The following RTN3 variants were observed in gnomAD, a reference collection of about 807,000 sequenced individuals.
The protein encoded by RTN3 is reticulon 3, also known as reticulon-3.
A neutral mutation model predicts 77.8 loss-of-function variants in RTN3; 49 were observed. The observed-to-expected ratio is 0.63, with a 90% confidence interval of 0.50 to 0.80. The LOEUF is 0.80. Ranked by LOEUF, RTN3 falls within the 30% of genes least tolerant of loss-of-function variation. RTN3 has a pLI of 0.00. For missense variants in RTN3, 1,236 were observed against 1,211.9 expected (o/e 1.02, Z -0.29); for synonymous variants, 464 against 446.9 (o/e 1.04, Z -0.48).
rs2014575236 is a variant in RTN3 at position 63,759,778 on chromosome 11, A to G, written c.*1577A>G. 1.3e-5 allele frequency: 2 copies of G among 151,336 alleles called. No individual in the cohort carries two copies. The highest frequency in any genetic ancestry group is 4.9e-5 in the African/African-American group (2 of 41,028). The allele number at this position is 151,336 out of a possible 1,614,324, so 9.4% of individuals were successfully genotyped here. A position where few individuals can be genotyped will look rare whatever the true frequency, so the allele number is the denominator to read the frequency against. ...AAAAATTACTAATGAAACTGTGTGT[A>G]CGTGTCTGTGCGTGCAACATAAAAA... is the stretch of plus-strand genomic sequence containing the variant. On this transcript the variant is annotated 3_prime_UTR_variant, in exon 9 of 9. Transcript: ENST00000377819.
intron 1 of RTN3, among the ~76,000 whole-genome samples, chr11:63,700,282 C>CTTTTTTTTTTTTTTTTT (rs753369954): frequency 7.5e-6 from 1 of 133,434 alleles, no homozygotes; most frequent in African/African-American, 2.9e-5. Flanking sequence ...GATTCTTTTA[C>CTTTTTTTTTTTTTTTTT]TTTTTTTTTT....
chr11:63,753,639 T>C, intron 6 of RTN3, 23 bp from the exon 7 acceptor site: 1 of 1,609,732 alleles, frequency 6.2e-7, no homozygotes, highest in South Asian at 1.1e-5. Context: ...ACACTTGCCA[T>C]GTCCCATGAT....
At chr11:63,726,183 T>C (rs1034747730) in intron 3 of RTN3, among the ~76,000 whole-genome samples, 12 of 152,194 alleles carry the variant, frequency 7.9e-5, no homozygotes, top group Non-Finnish European at 1.3e-4. Context: ...TGCATATAAC[T>C]GGACAAAATT....
At chr11:63,752,077 A>G (rs1409698662) in intron 4 of RTN3, among the ~76,000 whole-genome samples, 1 of 152,114 alleles carries the variant, frequency 6.6e-6, no homozygotes, top group Non-Finnish European at 1.5e-5. Context: ...TGGTTTTCCA[A>G]AATGTTTTTT....
intron 2 of RTN3, among the ~76,000 whole-genome samples, chr11:63,712,076 T>C (rs1251559086): frequency 6.6e-6 from 1 of 152,228 alleles, no homozygotes; most frequent in Non-Finnish European, 1.5e-5. Flanking sequence ...TACCAACGTA[T>C]TCAGACGTTG....
At chr11:63,748,739 C>G (rs1240315892) in intron 3 of RTN3, among the ~76,000 whole-genome samples, 1 of 148,874 alleles carries the variant, frequency 6.7e-6, no homozygotes, top group Non-Finnish European at 1.5e-5. Flanking sequence ...GCGATCTCGG[C>G]TCACTGCAGC....
At chr11:63,734,760 CACACACACACACACACACACA>C (rs1565333323) in intron 3 of RTN3, among the ~76,000 whole-genome samples, 2 of 150,244 alleles carry the variant, frequency 1.3e-5, no homozygotes, top group African/African-American at 2.4e-5. Flanking sequence ...CACACACACA[CACACACACACACACACACACA>C]CCATACTGGA....
In RTN3 at chr11:63,743,322, ATTACCT is replaced by A. The variant is rs1188573539; in HGVS notation, c.2531-6665_2531-6660del. Reference sequence around the variant, plus strand: ...GATGTTTGCTGTAAGTTACTGGTAGATTACCTTTATCAAGTTGAGGGATTTCCCTTC... The same window carrying A: ...GATGTTTGCTGTAAGTTACTGGTAGATTATCAAGTTGAGGGATTTCCCTTC... On this transcript the variant is annotated intron_variant, in intron 3 of 8. Transcript: ENST00000377819. 1.8e-4 allele frequency among the ~76,000 whole-genome samples: 27 copies of A among 152,326 alleles called. 1 individual carries two copies. In the East Asian group the frequency reaches 5.2e-3, roughly 29 times the overall value.
intron 2 of RTN3, among the ~76,000 whole-genome samples, chr11:63,716,737 A>C (rs933459817): frequency 6.6e-6 from 1 of 152,128 alleles, no homozygotes; most frequent in Non-Finnish European, 1.5e-5. Context: ...AGGCCGAGGC[A>C]GGCGGATCAC....
At position 63,718,970 on chromosome 11, in the gene RTN3, T is replaced by C; in HGVS notation, c.468T>C (p.Pro156=). 3 of 1,614,208 alleles carry C rather than the reference T, an allele frequency of 1.9e-6. No individual in the cohort carries two copies. Among genetic ancestry groups the C allele is most frequent in the Non-Finnish European group, 2.5e-6 (3 of 1,180,038 alleles). ...SLAAGVHCDR[P]SIPASFPEHP... ...CAGCAGGAGTTCATTGTGACCGTCC[T>C]TCTATTCCAGCCAGTTTCCCAGAGC... is the stretch of plus-strand genomic sequence containing the variant. Residue 156 remains proline (P), a synonymous_variant, in exon 3 of 9, where the codon CCT becomes CCC. Coordinates refer to ENST00000377819, the MANE Select transcript of RTN3 (RefSeq NM_001265589.2).
chr11:63,689,949 G>T (rs1329780494), intron 1 of RTN3, among the ~76,000 whole-genome samples: 4 of 151,846 alleles, frequency 2.6e-5, no homozygotes. Flanking sequence ...GTAGAGATGG[G>T]GTTTCACCAT....
At chr11:63,750,570 A>G (rs779050093) in intron 4 of RTN3, 60 of 209,422 alleles carry the variant, frequency 2.9e-4, no homozygotes, top group Non-Finnish European at 4.8e-4. Flanking sequence ...CTCCTGCCTC[A>G]GCCTCCTGAG....
intron 2 of RTN3, among the ~76,000 whole-genome samples, chr11:63,712,669 G>A (rs2011192777): frequency 1.3e-5 from 2 of 151,758 alleles, no homozygotes; most frequent in African/African-American, 4.8e-5. Context: ...TGTATTTTTA[G>A]TAGAGATGGG....
At chr11:63,742,530 A>G (rs1183389183) in intron 3 of RTN3, among the ~76,000 whole-genome samples, 2 of 151,892 alleles carry the variant, frequency 1.3e-5, no homozygotes, top group Non-Finnish European at 2.9e-5. Flanking sequence ...CTGTAATCCC[A>G]GCTACTTTGG....
At chr11:63,706,301 C>T (rs1942492919) in intron 2 of RTN3, among the ~76,000 whole-genome samples, 1 of 152,182 alleles carries the variant, frequency 6.6e-6, no homozygotes, top group Non-Finnish European at 1.5e-5. Context: ...GCGATCCCCC[C>T]ACCTCAGCTT....
intron 3 of RTN3, among the ~76,000 whole-genome samples, chr11:63,741,613 C>T (rs1170469606): frequency 6.6e-6 from 1 of 151,198 alleles, no homozygotes; most frequent in Admixed American, 6.6e-5. Flanking sequence ...GATTCTACTG[C>T]CTCAGCCTCC....
chr11:63,697,722 CG>C (rs942120584), intron 1 of RTN3, among the ~76,000 whole-genome samples: 29 of 152,150 alleles, frequency 1.9e-4, no homozygotes, highest in African/African-American at 7.0e-4. Context: ...GTGACCTGCC[CG>C]CCTTGGCCTC....
intron 8 of RTN3, among the ~76,000 whole-genome samples, chr11:63,756,551 T>C (rs1456390580): frequency 6.6e-6 from 1 of 152,124 alleles, no homozygotes; most frequent in East Asian, 1.9e-4. Flanking sequence ...CACGTGCCTT[T>C]AGTCCCAGCT....
chr11:63,719,832 G>T lies in RTN3; in HGVS notation c.1330G>T (p.Asp444Tyr), dbSNP rs2011626591. The T allele has an allele frequency of 5.0e-6, 8 of 1,614,154 alleles. No homozygotes were observed. The highest frequency in any genetic ancestry group is 6.8e-6 in the Non-Finnish European group (8 of 1,180,026). Residue 444 changes from aspartate to tyrosine, a missense_variant, in exon 3 of 9, where the codon GAT (aspartate) becomes TAT (tyrosine). Asp to Tyr is a radical substitution (Grantham distance 160). Coordinates refer to ENST00000377819, the MANE Select transcript of RTN3 (RefSeq NM_001265589.2). ...TGTGCAAGGCAATATGCAGAAACAG[G>T]ATGACACACTTGCAGAATTACCTGG... ...KGVQGNMQKQ[D>Y]DTLAELPGSP...
Sources: allele counts gnomAD v4.1 joint callset (sites outside exome capture counted in the v4.1 genomes callset), GRCh38; gene constraint gnomAD v4.1.1; transcripts MANE v1.5; gene names NCBI Gene and HGNC (gene_info 2026-07-23, HGNC 2026-07-21).